Variants in PPM1E observed in about 807,000 individuals in gnomAD.
The protein encoded by PPM1E is protein phosphatase 1E.
A neutral mutation model predicts 65.9 loss-of-function variants in PPM1E; 20 were observed. The ratio of observed to expected loss-of-function variants is 0.30; its 90% CI spans 0.21 to 0.44. The LOEUF (loss-of-function observed/expected upper bound fraction) is 0.44. PPM1E is among the 20% of genes least tolerant of loss of function. The pLI, the probability that PPM1E is intolerant of heterozygous loss-of-function variation, is 1.00. For missense variants in PPM1E, 713 were observed against 953.1 expected (o/e 0.75, Z 3.32); for synonymous variants, 352 against 374.9 (o/e 0.94, Z 0.70).
At chr17:58,893,969 G>T (rs1488266766) in intron 1 of PPM1E, among the ~76,000 whole-genome samples, 1 of 152,014 alleles carries the variant, frequency 6.6e-6, no homozygotes, top group Non-Finnish European at 1.5e-5. Flanking sequence ...AGCTATTTGG[G>T]AGGCTGAAGT....
chr17:58,792,743 CTTTTTTTTTTTTTTTTT>C (rs780992600), intron 1 of PPM1E, among the ~76,000 whole-genome samples: 2 of 76,380 alleles, frequency 2.6e-5, no homozygotes, highest in South Asian at 5.9e-4. Context: ...GAATTTTACT[CTTTTTTTTTTTTTTTTT>C]TTTTTTTTTT....
intron 1 of PPM1E, among the ~76,000 whole-genome samples, chr17:58,767,492 G>T (rs2049892524): frequency 6.6e-6 from 1 of 152,138 alleles, no homozygotes; most frequent in African/African-American, 2.4e-5. Context: ...ACTGCCATTT[G>T]CTTAGCTCAG....
intron 1 of PPM1E, among the ~76,000 whole-genome samples, chr17:58,827,910 A>AT (rs1286656830): frequency 2.7e-5 from 4 of 146,266 alleles, no homozygotes; most frequent in African/African-American, 7.6e-5. Context: ...TCAAAAAAAA[A>AT]AAATAATAAT....
At chr17:58,919,778 ACT>A (rs1253575661) in intron 1 of PPM1E, among the ~76,000 whole-genome samples, 1 of 151,690 alleles carries the variant, frequency 6.6e-6, no homozygotes, top group Non-Finnish European at 1.5e-5. Flanking sequence ...CAAGAATGAA[ACT>A]CTGTCTCAAA....
At chr17:58,805,877 T>G (rs1358536953) in intron 1 of PPM1E, among the ~76,000 whole-genome samples, 2 of 146,354 alleles carry the variant, frequency 1.4e-5, no homozygotes, top group Non-Finnish European at 3.0e-5. Flanking sequence ...AAGCCTAAAA[T>G]GTATGATTTG....
intron 3 of PPM1E, among the ~76,000 whole-genome samples, chr17:58,968,377 A>G (rs2030390720): frequency 6.6e-6 from 1 of 152,178 alleles, no homozygotes; most frequent in African/African-American, 2.4e-5. Flanking sequence ...ATGATCTGTG[A>G]TCATGCCACT....
chr17:58,904,778 T>G (rs939477277), intron 1 of PPM1E, among the ~76,000 whole-genome samples: 1 of 151,956 alleles, frequency 6.6e-6, no homozygotes, highest in African/African-American at 2.4e-5. Context: ...GTAAATGGTG[T>G]TGTAGTTTTA....
At chr17:58,816,813 T>G (rs1222982684) in intron 1 of PPM1E, among the ~76,000 whole-genome samples, 1 of 100,196 alleles carries the variant, frequency 1.0e-5, no homozygotes, top group East Asian at 2.8e-4. Flanking sequence ...TTTTTTTTTT[T>G]GAGACAGGGT....
chr17:58,952,314 C>T (rs1178128198), intron 1 of PPM1E, among the ~76,000 whole-genome samples: 1 of 152,174 alleles, frequency 6.6e-6, no homozygotes, highest in Non-Finnish European at 1.5e-5. Flanking sequence ...GGCACATGTG[C>T]ATGGCTGCCC....
chr17:58,899,885 AAGAG>A (rs1338950161), intron 1 of PPM1E, among the ~76,000 whole-genome samples: 4 of 152,098 alleles, frequency 2.6e-5, no homozygotes, highest in South Asian at 2.1e-4. Flanking sequence ...AGATAACTAA[AAGAG>A]AGAGAATTAA....
At chr17:58,860,724 G>A (rs750503257) in intron 1 of PPM1E, among the ~76,000 whole-genome samples, 1 of 152,108 alleles carries the variant, frequency 6.6e-6, no homozygotes, top group Non-Finnish European at 1.5e-5. Context: ...CGGGCAGACC[G>A]CCTGAGGTCA....
At chr17:58,920,252 T>G (rs1473898246) in intron 1 of PPM1E, among the ~76,000 whole-genome samples, 1 of 152,202 alleles carries the variant, frequency 6.6e-6, no homozygotes, top group African/African-American at 2.4e-5. Context: ...CACAACTCTT[T>G]AAAAGTTTTA....
At position 58,815,662 on chromosome 17, in the gene PPM1E, C is replaced by T. The variant is rs114760596; in HGVS notation, c.464+59201C>T. 7.8e-3 allele frequency among the ~76,000 whole-genome samples: 1,188 copies of T among 152,042 alleles called. 15 individuals carry two copies. The highest frequency in any genetic ancestry group is 0.027 in the African/African-American group (1,106 of 41,470). Reference sequence around the variant, plus strand: ...ATATCAGATTATGTAAATCAAATGTCGATTATGTACTAGAGCTGATTTTGA... The same window carrying T: ...ATATCAGATTATGTAAATCAAATGTTGATTATGTACTAGAGCTGATTTTGA... On this transcript the variant is annotated intron_variant, in intron 1 of 6. Transcript: ENST00000308249.
chr17:58,814,265 A>G (rs1212570282), intron 1 of PPM1E, among the ~76,000 whole-genome samples: 2 of 152,126 alleles, frequency 1.3e-5, no homozygotes, highest in Non-Finnish European at 2.9e-5. Context: ...GAACTGGTAA[A>G]TATGGAGGCA....
At chr17:58,804,864 A>T (rs2050290569) in intron 1 of PPM1E, among the ~76,000 whole-genome samples, 1 of 152,120 alleles carries the variant, frequency 6.6e-6, no homozygotes, top group African/African-American at 2.4e-5. Context: ...TTGAGTATTT[A>T]TCATTTTTAT....
intron 1 of PPM1E, among the ~76,000 whole-genome samples, chr17:58,881,372 T>C (rs1489741237): frequency 6.6e-6 from 1 of 151,894 alleles, no homozygotes; most frequent in African/African-American, 2.4e-5. Flanking sequence ...CTTTAAAAAA[T>C]ACAAAAATTG....
intron 1 of PPM1E, among the ~76,000 whole-genome samples, chr17:58,942,837 GAA>G (rs34632292): frequency 5.0e-4 from 75 of 150,102 alleles, no homozygotes; most frequent in Non-Finnish European, 9.3e-4. Context: ...TAAAAAAAAA[GAA>G]AAAAAAAAGA....
At chr17:58,956,228 G>A (rs974004240) in intron 2 of PPM1E, among the ~76,000 whole-genome samples, 4 of 152,182 alleles carry the variant, frequency 2.6e-5, no homozygotes, top group African/African-American at 9.7e-5. Context: ...GAGGTCAGGA[G>A]TTTGAGACCA....
At chr17:58,828,808 G>C (rs551037747) in intron 1 of PPM1E, among the ~76,000 whole-genome samples, 1 of 151,990 alleles carries the variant, frequency 6.6e-6, no homozygotes, top group East Asian at 1.9e-4. Flanking sequence ...TGTCTCTAAA[G>C]AATGTTTCAT....
Sources: gnomAD v4.1 joint callset for allele counts (sites outside exome capture counted in the v4.1 genomes callset) on GRCh38, gnomAD v4.1.1 for gene constraint, MANE v1.5 for transcripts, NCBI Gene and HGNC (gene_info 2026-07-23, HGNC 2026-07-21) for gene names.